Variants in SYNE1 observed in about 807,000 individuals in gnomAD.
The protein encoded by SYNE1 is nesprin-1.
SYNE1 carries 616 observed loss-of-function variants against 1,111.0 expected under a neutral mutation model. The observed-to-expected ratio is 0.55, with a 90% CI of 0.52 to 0.59. The LOEUF is 0.59. Ranked by LOEUF, SYNE1 falls within the 20% of genes least tolerant of loss-of-function variation. SYNE1 has a pLI of 0.00. For missense variants in SYNE1, 10,006 were observed against 10,417.0 expected (o/e 0.96, Z 1.72); for synonymous variants, 3,855 against 3,825.8 (o/e 1.01, Z -0.28).
intron 105 of SYNE1, among the ~76,000 whole-genome samples, chr6:152,246,925 G>A (rs2087348088): frequency 6.6e-6 from 1 of 152,146 alleles, no homozygotes. Flanking sequence ...AAACAGCAAA[G>A]CGATCAATAA....
intron 65 of SYNE1, 148 bp downstream of exon 65, chr6:152,359,167 A>T (rs2096889499): frequency 2.6e-6 from 3 of 1,145,522 alleles, no homozygotes; most frequent in Admixed American, 3.7e-5. Context: ...TGATTTTGCC[A>T]GTAATTCCTT....
intron 27 of SYNE1, 97 bp from the exon 28 acceptor site, chr6:152,449,738 T>C: frequency 1.1e-6 from 1 of 941,258 alleles, no homozygotes; most frequent in Non-Finnish European, 1.7e-6. Flanking sequence ...AATTTAACAA[T>C]TAAGTGATTA....
chr6:152,596,832 G>A (rs1189559819), intron 3 of SYNE1, among the ~76,000 whole-genome samples: 1 of 152,058 alleles, frequency 6.6e-6, no homozygotes, highest in Non-Finnish European at 1.5e-5. Flanking sequence ...AATACATTTG[G>A]CATTACAGAC....
intron 107 of SYNE1, among the ~76,000 whole-genome samples, chr6:152,241,364 C>T (rs1306249512): frequency 1.3e-5 from 2 of 152,114 alleles, no homozygotes; most frequent in Non-Finnish European, 2.9e-5. Flanking sequence ...GAGAGCTACA[C>T]AATGGTAGAA....
intron 3 of SYNE1, among the ~76,000 whole-genome samples, chr6:152,621,041 T>C (rs2099674252): frequency 6.6e-6 from 1 of 152,156 alleles, no homozygotes; most frequent in Non-Finnish European, 1.5e-5. Flanking sequence ...AAGCCTTTGC[T>C]GAGGAGGTTG....
Position 152,224,509 on chromosome 6 carries a change from CT to C in SYNE1, c.21506del (p.Gln7169ArgfsTer30), listed in dbSNP as rs761200893. ...LTGSLEAVQV[Q>X]VDNLQNLQDD... Reference sequence around the variant, plus strand: ...AATTCCTTACCTGAAGATTGTCCACCTGAACTTGCACAGCTTCTAAGGAGCC... The same window carrying C: ...AATTCCTTACCTGAAGATTGTCCACCGAACTTGCACAGCTTCTAAGGAGCC... On this transcript the variant is annotated frameshift_variant, in exon 117 of 146. Coordinates refer to ENST00000367255, the MANE Select transcript of SYNE1 (RefSeq NM_182961.4). LOFTEE classifies it high-confidence loss of function. The C allele has an allele frequency of 1.2e-6, 2 of 1,613,968 alleles. No homozygotes were observed. The highest frequency in any genetic ancestry group is 2.2e-5 in the South Asian group (2 of 91,078).
At chr6:152,314,688 C>T (rs1025829959) in intron 87 of SYNE1, among the ~76,000 whole-genome samples, 1 of 152,010 alleles carries the variant, frequency 6.6e-6, no homozygotes, top group East Asian at 1.9e-4. Context: ...AATAAACAAA[C>T]GCTTGTATTC....
chr6:152,557,680 G>GA (rs1276328786), intron 3 of SYNE1, among the ~76,000 whole-genome samples: 10 of 152,050 alleles, frequency 6.6e-5, no homozygotes, highest in African/African-American at 2.4e-4. Flanking sequence ...GCTGGTGGGG[G>GA]AAAAATACTG....
At chr6:152,602,648 G>GT (rs1186726136) in intron 3 of SYNE1, among the ~76,000 whole-genome samples, 1 of 152,150 alleles carries the variant, frequency 6.6e-6, no homozygotes, top group East Asian at 1.9e-4. Context: ...GATTATATGT[G>GT]TTTTTGTTAT....
chr6:152,277,934 T>G (rs1291193093), intron 98 of SYNE1, 155 bp downstream of exon 98: 4 of 855,960 alleles, frequency 4.7e-6, no homozygotes, highest in African/African-American at 1.6e-5. Context: ...TCCAAGAGTG[T>G]AAACTTAAAG....
chr6:152,619,936 C>T (rs1356944209), intron 3 of SYNE1, among the ~76,000 whole-genome samples: 1 of 152,190 alleles, frequency 6.6e-6, no homozygotes, highest in Non-Finnish European at 1.5e-5. Flanking sequence ...TAAAGAATTG[C>T]TCCTAACCAG....
rs373390112 is a variant in SYNE1, at chr6:152,122,419, G to A, written c.*17C>T. ...TCCTTATGCTACCAGCACTTCTGCAGATGGCATCTGCTTAGTTCAGAGTGG... is the reference window on the plus strand; with the variant it reads ...TCCTTATGCTACCAGCACTTCTGCAAATGGCATCTGCTTAGTTCAGAGTGG... On this transcript the variant is annotated 3_prime_UTR_variant, in exon 146 of 146. Coordinates refer to ENST00000367255, the MANE Select transcript of SYNE1 (RefSeq NM_182961.4). 9 of 1,613,964 alleles carry A rather than the reference G, an allele frequency of 5.6e-6. No homozygotes were observed. The highest frequency in any genetic ancestry group is 3.3e-4 in the Middle Eastern group (2 of 6,066).
intron 17 of SYNE1, 144 bp downstream of exon 17, chr6:152,465,838 T>C (rs976590634): frequency 1.5e-6 from 1 of 660,108 alleles, no homozygotes; most frequent in Non-Finnish European, 2.7e-6. Context: ...CCAAGGGAAC[T>C]GAATCCAGTA....
intron 3 of SYNE1, among the ~76,000 whole-genome samples, chr6:152,604,465 G>A (rs893001579): frequency 9.2e-5 from 14 of 151,734 alleles, no homozygotes; most frequent in Admixed American, 7.2e-4. Flanking sequence ...CACCTCATCT[G>A]GCTAATTTTT....
intron 5 of SYNE1, among the ~76,000 whole-genome samples, chr6:152,521,568 T>C (rs1220343674): frequency 1.3e-5 from 2 of 152,192 alleles, no homozygotes; most frequent in Non-Finnish European, 2.9e-5. Flanking sequence ...AAAATGTATA[T>C]GTACTCTTTT....
At chr6:152,342,813 T>C (rs967437098) in intron 74 of SYNE1, among the ~76,000 whole-genome samples, 2 of 152,222 alleles carry the variant, frequency 1.3e-5, no homozygotes, top group African/African-American at 4.8e-5. Flanking sequence ...AGCATGTGGA[T>C]GTCAAATTAA....
rs1223592722 is a variant in SYNE1, at chr6:152,462,828, C to T, written c.2160G>A (p.Leu720=). ...TATGGGCTTCCGTTGCAAAAGCAGA[C>T]AGGGTAACAACACAGTCTGTGTATT... ...KKEYTDCVVT[L]SAFATEAHKK... is the part of the protein sequence containing the mutation. Residue 720 remains leucine (L), a synonymous_variant, in exon 20 of 146, where the codon CTG becomes CTA. Transcript: ENST00000367255. 6.2e-7 allele frequency: 1 copy of T among 1,613,946 alleles called. No individual in the cohort carries two copies. The highest frequency in any genetic ancestry group is 1.7e-5 in the Admixed American group (1 of 59,980).
chr6:152,350,557 G>A, intron 71 of SYNE1, 61 bp downstream of exon 71: 3 of 1,567,616 alleles, frequency 1.9e-6, no homozygotes, highest in Non-Finnish European at 2.6e-6. Flanking sequence ...CAGAGAGAAA[G>A]GAGTCAGGGC....
intron 122 of SYNE1, 88 bp from the exon 123 acceptor site, chr6:152,213,847 T>C: frequency 6.4e-7 from 1 of 1,562,270 alleles, no homozygotes; most frequent in East Asian, 2.3e-5. Flanking sequence ...ATAATCTCTG[T>C]GCTCAATTCT....
Sources: allele counts gnomAD v4.1 joint callset (sites outside exome capture counted in the v4.1 genomes callset), GRCh38; gene constraint gnomAD v4.1.1; transcripts MANE v1.5; gene names NCBI Gene and HGNC (gene_info 2026-07-23, HGNC 2026-07-21).